EFCAB6: variants seen among roughly 807,000 people sequenced by gnomAD.
EFCAB6 encodes the protein EF-hand calcium binding domain 6.
In EFCAB6, 156 loss-of-function variants were observed where a neutral mutation model predicts 169.8. The observed-to-expected ratio is 0.92, with a 90% confidence interval of 0.81 to 1.05. EFCAB6 has a LOEUF of 1.05. EFCAB6 is among the 50% of genes least tolerant of loss of function. The pLI, the probability that EFCAB6 is intolerant of heterozygous loss-of-function variation, is 0.00. For synonymous variants in EFCAB6, 698 were observed against 676.4 expected (o/e 1.03, Z -0.50); for missense variants, 1,800 against 1,829.1 (o/e 0.98, Z 0.29).
intron 26 of EFCAB6, among the ~76,000 whole-genome samples, chr22:43,556,222 G>C (rs191736781): frequency 2.6e-5 from 4 of 152,232 alleles, no homozygotes; most frequent in Non-Finnish European, 5.9e-5. Flanking sequence ...GGTCAGGGGT[G>C]GGGGGAAATG....
intron 17 of EFCAB6, among the ~76,000 whole-genome samples, chr22:43,640,290 TTATATC>T (rs1354036330): frequency 6.6e-6 from 1 of 152,232 alleles, no homozygotes; most frequent in Non-Finnish European, 1.5e-5. Context: ...TTATAAATCT[TTATATC>T]TATGTATTTT....
chr22:43,802,848 T>A, intron 2 of EFCAB6: 1 of 402,092 alleles, frequency 2.5e-6, no homozygotes, highest in Non-Finnish European at 4.8e-6. Context: ...TTAATCAAGT[T>A]TTATAAAAAT....
intron 4 of EFCAB6, among the ~76,000 whole-genome samples, chr22:43,770,706 CTT>C (rs1215325439): frequency 6.6e-6 from 1 of 152,016 alleles, no homozygotes; most frequent in Admixed American, 6.5e-5. Flanking sequence ...TAGAATAAAA[CTT>C]TTTTTAATGA....
intron 20 of EFCAB6, among the ~76,000 whole-genome samples, chr22:43,616,782 G>A (rs2053720076): frequency 6.6e-6 from 1 of 152,246 alleles, no homozygotes. Context: ...TAAAGGCTGA[G>A]GCTGGAGGGG....
At chr22:43,550,061 G>A (rs2048295496) in intron 27 of EFCAB6, among the ~76,000 whole-genome samples, 1 of 152,180 alleles carries the variant, frequency 6.6e-6, no homozygotes, top group South Asian at 2.1e-4. Flanking sequence ...TGCTCTGCAT[G>A]GAGTCAGGAA....
intron 26 of EFCAB6, among the ~76,000 whole-genome samples, chr22:43,573,751 A>T (rs2050050713): frequency 6.6e-6 from 1 of 151,836 alleles, no homozygotes; most frequent in African/African-American, 2.4e-5. Flanking sequence ...AAAAAAAAAA[A>T]AAAGGACTGG....
chr22:43,765,279 T>C (rs1445415616), intron 5 of EFCAB6, 26 bp downstream of exon 5: 1 of 1,575,078 alleles, frequency 6.3e-7, no homozygotes, highest in Non-Finnish European at 8.7e-7. Context: ...ATTTCACATT[T>C]TCACATGAGC....
chr22:43,537,554 G>C lies in EFCAB6; in HGVS notation c.3880-9C>G, dbSNP rs1569120366. Reference sequence around the variant, plus strand: ...GTGGTGCTCGCTGGAGTCTAGCAGGGAAGAAAAGAAAAGGCTCTTTTCACT... The same window carrying C: ...GTGGTGCTCGCTGGAGTCTAGCAGGCAAGAAAAGAAAAGGCTCTTTTCACT... On this transcript the variant is annotated splice_polypyrimidine_tract_variant and intron_variant, in intron 28 of 31. Transcript: ENST00000262726. The surrounding 1 kb of genome is among the most constrained non-coding windows in gnomAD (Gnocchi z 4.3). 6.3e-7 allele frequency: 1 copy of C among 1,599,748 alleles called. No homozygotes were observed. Among genetic ancestry groups the C allele is most frequent in the Non-Finnish European group, 8.5e-7 (1 of 1,172,324 alleles).
intron 2 of EFCAB6, among the ~76,000 whole-genome samples, chr22:43,791,879 C>A (rs2062306386): frequency 6.6e-6 from 1 of 152,296 alleles, no homozygotes; most frequent in African/African-American, 2.4e-5. Context: ...GAATCAGCAG[C>A]ATGTCTGAAC....
intron 17 of EFCAB6, among the ~76,000 whole-genome samples, chr22:43,660,064 A>G (rs6006521): frequency 0.29 from 43,405 of 152,104 alleles, 7,130 homozygotes; most frequent in East Asian, 0.64. Context: ...GGTGGTACTA[A>G]GAACAACAGT....
In EFCAB6 at chr22:43,530,965, C is replaced by T. The variant is rs376668505; in HGVS notation, c.4234-1G>A. The stretch of plus-strand genomic sequence containing the variant: ...ATGGCGTCTCCGCGCCGGCTTCTTT[C>T]TAGACACAAGACAAGAAGGGGTGAG... On this transcript the variant is annotated splice_acceptor_variant, in intron 30 of 31. Transcript: ENST00000262726. LOFTEE classifies it high-confidence loss of function. The T allele has an allele frequency of 4.6e-4, 736 of 1,613,682 alleles. 11 individuals are homozygous for T. The South Asian group carries it at 7.7e-3, about 17-fold the overall frequency.
At chr22:43,543,279 G>A (rs944130829) in intron 27 of EFCAB6, among the ~76,000 whole-genome samples, 1 of 152,142 alleles carries the variant, frequency 6.6e-6, no homozygotes, top group African/African-American at 2.4e-5. Context: ...TGAAGGCCAC[G>A]TGCAGGCTGC....
chr22:43,707,845 C>A (rs2059010237), intron 10 of EFCAB6, among the ~76,000 whole-genome samples: 2 of 152,026 alleles, frequency 1.3e-5, no homozygotes, highest in Admixed American at 6.6e-5. Flanking sequence ...CCTAAACAGG[C>A]ATGAGTCATA....
chr22:43,554,877 C>A lies in EFCAB6; in HGVS notation c.3640G>T (p.Asp1214Tyr). 1 of 1,614,206 alleles carries A rather than the reference C, an allele frequency of 6.2e-7. No homozygotes were observed. Among genetic ancestry groups the A allele is most frequent in the Non-Finnish European group, 8.5e-7 (1 of 1,180,028 alleles). ...ICNRRVQILTDEQFDRLWNEM... is the reference protein window; with the variant it reads ...ICNRRVQILTYEQFDRLWNEM... Reference sequence around the variant, plus strand: ...TGACTGGCGTTTCTTACCTGTTCGTCCGTCAGGATTTGGACGCGGCGATTA... The same window carrying A: ...TGACTGGCGTTTCTTACCTGTTCGTACGTCAGGATTTGGACGCGGCGATTA... The change falls in exon 27 of 32, where the codon GAC becomes TAC. Residue 1214 changes from aspartate to tyrosine, a missense_variant. Transcript: ENST00000262726.
At chr22:43,610,378 C>T (rs531631885) in intron 21 of EFCAB6, among the ~76,000 whole-genome samples, 1 of 152,288 alleles carries the variant, frequency 6.6e-6, no homozygotes, top group African/African-American at 2.4e-5. Flanking sequence ...CTCGAGCAAG[C>T]ACTTCACAAT....
intron 22 of EFCAB6, among the ~76,000 whole-genome samples, chr22:43,605,585 G>A (rs1160749905): frequency 0.09 from 7 of 78 alleles, no homozygotes; most frequent in East Asian, 0.5. Flanking sequence ...GGAGGTTGCA[G>A]TGAGCTGAGA....
At chr22:43,590,364 G>T in intron 23 of EFCAB6, 135 bp from the exon 24 acceptor site, 1 of 975,028 alleles carries the variant, frequency 1.0e-6, no homozygotes, top group Non-Finnish European at 1.5e-6. Context: ...ATGTTTTACA[G>T]CCTCAGTGTA....
intron 17 of EFCAB6, 111 bp from the exon 18 acceptor site, chr22:43,635,327 T>A: frequency 1.2e-6 from 1 of 804,248 alleles, no homozygotes; most frequent in Non-Finnish European, 2.1e-6. Flanking sequence ...ATGATTGTTA[T>A]TTGTCTGACC....
intron 6 of EFCAB6, among the ~76,000 whole-genome samples, chr22:43,745,788 G>A (rs776933403): frequency 6.6e-6 from 1 of 152,112 alleles, no homozygotes; most frequent in Non-Finnish European, 1.5e-5. Context: ...TTTAATTAAA[G>A]TTTTTCTTTG....
Sources: gnomAD v4.1 joint callset for allele counts (sites outside exome capture counted in the v4.1 genomes callset) on GRCh38, gnomAD v4.1.1 for gene constraint, Gnocchi (gnomAD v3.1) non-coding constraint, MANE v1.5 for transcripts, NCBI Gene and HGNC (gene_info 2026-07-23, HGNC 2026-07-21) for gene names.